The following OPCML variants were observed in gnomAD, a reference collection of about 807,000 sequenced individuals.
OPCML encodes opioid binding protein/cell adhesion molecule like, also known as opioid-binding protein/cell adhesion molecule.
A neutral mutation model predicts 37.8 loss-of-function variants in OPCML; 13 were observed. The ratio of observed to expected loss-of-function variants is 0.34; its 90% CI spans 0.22 to 0.55. The LOEUF (loss-of-function observed/expected upper bound fraction) is 0.55. Ranked by LOEUF, OPCML falls within the 20% of genes least tolerant of loss-of-function variation. The probability of loss-of-function intolerance (pLI) is 0.91; values close to 1 mark genes in which losing one functional copy is unlikely to be tolerated. For synonymous variants in OPCML, 176 were observed against 168.8 expected (o/e 1.04, Z -0.33); for missense variants, 341 against 435.6 (o/e 0.78, Z 1.93).
At chr11:132,978,495 A>C (rs1387318386) in intron 1 of OPCML, among the ~76,000 whole-genome samples, 1 of 152,170 alleles carries the variant, frequency 6.6e-6, no homozygotes, top group Non-Finnish European at 1.5e-5. Context: ...AGTGATACTC[A>C]TACTGTCTTT....
At chr11:132,711,253 T>C (rs1944253338) in intron 2 of OPCML, among the ~76,000 whole-genome samples, 1 of 152,204 alleles carries the variant, frequency 6.6e-6, no homozygotes, top group African/African-American at 2.4e-5. Context: ...GCGAGGACAC[T>C]CAATTAATAT....
chr11:133,469,908 CAACT>C (rs1418698461), intron 1 of OPCML, among the ~76,000 whole-genome samples: 1 of 152,192 alleles, frequency 6.6e-6, no homozygotes, highest in African/African-American at 2.4e-5. Flanking sequence ...TTTCTGGAAC[CAACT>C]AAGTTCACAA....
Position 133,499,787 on chromosome 11 carries a change from T to TAC in OPCML, c.61+32475_61+32476dup, listed in dbSNP as rs535779654. ...AGAAAAATAAATATATATATATATATACACATATATATATGTGTGTGTATA... is the reference window on the plus strand; with the variant it reads ...AGAAAAATAAATATATATATATATATACACACATATATATATGTGTGTGTATA... On this transcript the variant is annotated intron_variant, in intron 1 of 7. Transcript: ENST00000524381. Among the ~76,000 whole-genome samples, 741 of 141,492 alleles carry TAC rather than the reference T, an allele frequency of 5.2e-3. 13 individuals are homozygous for TAC. The highest frequency in any genetic ancestry group is 0.019 in the African/African-American group (708 of 36,832). The allele number at this position is 141,492 out of a possible 152,430, so 92.8% of individuals were successfully genotyped here.
intron 1 of OPCML, among the ~76,000 whole-genome samples, chr11:133,327,234 G>A (rs150504777): frequency 9.6e-4 from 145 of 151,646 alleles, no homozygotes; most frequent in African/African-American, 3.3e-3. Context: ...TATGTGGGCG[G>A]GGGATATGTG....
At chr11:133,024,057 AG>A (rs1947502809) in intron 1 of OPCML, among the ~76,000 whole-genome samples, 1 of 152,230 alleles carries the variant, frequency 6.6e-6, no homozygotes, top group Non-Finnish European at 1.5e-5. Context: ...CGTATTTCAC[AG>A]GAAGTGCTAG....
At chr11:132,809,487 T>C (rs962444598) in intron 2 of OPCML, among the ~76,000 whole-genome samples, 1 of 152,182 alleles carries the variant, frequency 6.6e-6, no homozygotes, top group Non-Finnish European at 1.5e-5. Flanking sequence ...CATGTGGGTG[T>C]ACGGAGCTTA....
At chr11:132,918,160 C>T (rs547577647) in intron 2 of OPCML, among the ~76,000 whole-genome samples, 14 of 152,162 alleles carry the variant, frequency 9.2e-5, no homozygotes, top group Admixed American at 7.8e-4. Flanking sequence ...CTTTATAATG[C>T]GATTTTTAAC....
At chr11:133,428,317 G>A (rs1946046192) in intron 1 of OPCML, among the ~76,000 whole-genome samples, 1 of 152,120 alleles carries the variant, frequency 6.6e-6, no homozygotes, top group South Asian at 2.1e-4. Context: ...GCGTGAACAA[G>A]GAGAGGAAGA....
At chr11:132,546,590 A>G (rs910566560) in intron 3 of OPCML, among the ~76,000 whole-genome samples, 3 of 152,086 alleles carry the variant, frequency 2.0e-5, no homozygotes, top group Non-Finnish European at 4.4e-5. Flanking sequence ...CATTTACTCT[A>G]TTGTTTAGAG....
chr11:133,065,855 C>G (rs76600756), intron 1 of OPCML: 10 of 152,738 alleles, frequency 6.5e-5, no homozygotes, highest in African/African-American at 2.4e-4. Context: ...TTCCCTTGCC[C>G]GAAGCTCCCT....
chr11:133,289,590 A>G (rs7929562), intron 1 of OPCML, among the ~76,000 whole-genome samples: 54,226 of 131,110 alleles, frequency 0.41, 12,284 homozygotes, highest in East Asian at 0.69. Flanking sequence ...GCGAGACTCC[A>G]TCTCAAAAAA....
At position 133,150,189 on chromosome 11, in the gene OPCML, A is replaced by G. The variant is rs78285337; in HGVS notation, c.62-207179T>C. Among the ~76,000 whole-genome samples, 1,019 of 152,354 alleles carry G rather than the reference A, an allele frequency of 6.7e-3. 5 individuals carry two copies. Among genetic ancestry groups the G allele is most frequent in the African/African-American group, 0.023 (953 of 41,586 alleles). The stretch of plus-strand genomic sequence containing the variant: ...AAATGAGGAATCACAGCCTCCAGAT[A>G]TATCAGGTGCCCATTTAGGGCATGC... On this transcript the variant is annotated intron_variant, in intron 1 of 7. Transcript: ENST00000524381.
chr11:132,639,523 C>T (rs1198793612), intron 3 of OPCML, among the ~76,000 whole-genome samples: 23 of 152,218 alleles, frequency 1.5e-4, no homozygotes, highest in Admixed American at 1.5e-3. Context: ...CCCCTCCCAC[C>T]TCCTTGTGTT....
At chr11:133,036,476 C>T (rs1002061867) in intron 1 of OPCML, among the ~76,000 whole-genome samples, 1 of 152,152 alleles carries the variant, frequency 6.6e-6, no homozygotes, top group African/African-American at 2.4e-5. Context: ...ATTGCTATTT[C>T]CTCCTTAACC....
chr11:133,359,314 C>T (rs1254441974), intron 1 of OPCML, among the ~76,000 whole-genome samples: 2 of 152,180 alleles, frequency 1.3e-5, no homozygotes, highest in African/African-American at 4.8e-5. Flanking sequence ...AAAATATTCC[C>T]TCTGTCAGGG....
chr11:133,135,127 G>T (rs190955466), intron 1 of OPCML, among the ~76,000 whole-genome samples: 1 of 152,260 alleles, frequency 6.6e-6, no homozygotes, highest in African/African-American at 2.4e-5. Context: ...TCTTGCTTTG[G>T]CTGGCACTCC....
At chr11:132,767,566 C>T (rs1025604320) in intron 2 of OPCML, among the ~76,000 whole-genome samples, 4 of 152,190 alleles carry the variant, frequency 2.6e-5, no homozygotes, top group African/African-American at 7.2e-5. Flanking sequence ...GCTGAATTCC[C>T]AGTCTATGCC....
chr11:133,289,223 A>T (rs1326738743), intron 1 of OPCML, among the ~76,000 whole-genome samples: 1 of 152,222 alleles, frequency 6.6e-6, no homozygotes, highest in Non-Finnish European at 1.5e-5. Context: ...GGAAATGTTC[A>T]CATAAGAAAT....
intron 1 of OPCML, among the ~76,000 whole-genome samples, chr11:133,400,990 G>T (rs1449889716): frequency 1.3e-5 from 2 of 152,200 alleles, no homozygotes; most frequent in African/African-American, 4.8e-5. Context: ...ACAAGCGTCA[G>T]AATATGGAGA....
Sources: gnomAD v4.1 joint callset for allele counts (sites outside exome capture counted in the v4.1 genomes callset) on GRCh38, gnomAD v4.1.1 for gene constraint, MANE v1.5 for transcripts, NCBI Gene and HGNC (gene_info 2026-07-23, HGNC 2026-07-21) for gene names.